Variants in PEBP4 observed in about 807,000 individuals in gnomAD.
PEBP4 encodes phosphatidylethanolamine binding protein 4, also known as phosphatidylethanolamine-binding protein 4.
Under a neutral mutation model 23.9 loss-of-function variants are expected in PEBP4, and 22 were observed. The ratio of observed to expected loss-of-function variants is 0.92; its 90% CI spans 0.66 to 1.31. PEBP4 has a LOEUF of 1.31. Ranked by LOEUF, PEBP4 falls within the 40% of genes most tolerant of loss-of-function variation. The pLI, the probability that PEBP4 is intolerant of heterozygous loss-of-function variation, is 0.00. For synonymous variants in PEBP4, 112 were observed against 99.3 expected (o/e 1.13, Z -0.76); for missense variants, 324 against 281.7 (o/e 1.15, Z -1.07).
chr8:22,922,283 G>A (rs1340653851), intron 2 of PEBP4, among the ~76,000 whole-genome samples: 1 of 152,066 alleles, frequency 6.6e-6, no homozygotes, highest in Non-Finnish European at 1.5e-5. Context: ...TCTTGGAGAA[G>A]GACACGGAGA....
chr8:22,715,676 T>C (rs1804401725), intron 6 of PEBP4, among the ~76,000 whole-genome samples: 1 of 152,160 alleles, frequency 6.6e-6, no homozygotes, highest in Non-Finnish European at 1.5e-5. Flanking sequence ...CGTGGTTCCT[T>C]TCCAGTCCCA....
At position 22,769,756 on chromosome 8, in the gene PEBP4, AT is replaced by A. The variant is rs1805681990; in HGVS notation, c.358-42537del. ...ATATGTCCCTTCTTTTTTTAAAAAA[AT>A]AAATTCCATTGTTTTTCTTCGTATG... On this transcript the variant is annotated intron_variant, in intron 4 of 6. Coordinates refer to ENST00000256404, the MANE Select transcript of PEBP4 (RefSeq NM_144962.3). 1.3e-5 allele frequency among the ~76,000 whole-genome samples: 2 copies of A among 152,246 alleles called. 1 individual carries two copies. Among genetic ancestry groups the A allele is most frequent in the South Asian group, 4.1e-4 (2 of 4,836 alleles).
intron 4 of PEBP4, among the ~76,000 whole-genome samples, chr8:22,732,765 C>G (rs1245385573): frequency 6.6e-6 from 1 of 151,998 alleles, no homozygotes; most frequent in Non-Finnish European, 1.5e-5. Context: ...GCAAATTATT[C>G]TAATTGCAGA....
At chr8:22,904,957 T>C (rs961195493) in intron 3 of PEBP4, among the ~76,000 whole-genome samples, 1 of 152,202 alleles carries the variant, frequency 6.6e-6, no homozygotes, top group Non-Finnish European at 1.5e-5. Context: ...ACATAAATTT[T>C]TATGTGTTTC....
At chr8:22,771,651 G>C (rs1373209252) in intron 4 of PEBP4, among the ~76,000 whole-genome samples, 1 of 152,226 alleles carries the variant, frequency 6.6e-6, no homozygotes, top group African/African-American at 2.4e-5. Context: ...GCAGGGCGCA[G>C]ACACTGGACC....
At chr8:22,780,439 C>T (rs1805891414) in intron 4 of PEBP4, among the ~76,000 whole-genome samples, 7 of 152,142 alleles carry the variant, frequency 4.6e-5, no homozygotes, top group Admixed American at 4.6e-4. Flanking sequence ...TAGGTCCTCT[C>T]CCCTCCCTAA....
At chr8:22,933,884 G>A (rs1230565358) in intron 1 of PEBP4, among the ~76,000 whole-genome samples, 2 of 152,172 alleles carry the variant, frequency 1.3e-5, no homozygotes, top group South Asian at 2.1e-4. Flanking sequence ...TGATAAAGAG[G>A]TTTATTTGGC....
At chr8:22,925,009 G>C in intron 2 of PEBP4, 1 of 985,378 alleles carries the variant, frequency 1.0e-6, no homozygotes, top group South Asian at 4.7e-5. Flanking sequence ...CTTCTCTGGG[G>C]GATCTCTTGC....
At chr8:22,886,008 G>A (rs776808445) in intron 3 of PEBP4, 2 of 152,334 alleles carry the variant, frequency 1.3e-5, no homozygotes, top group East Asian at 1.9e-4. Context: ...ACGGGTTAAG[G>A]AGGGAAGTTG....
chr8:22,742,760 C>T (rs1038470300), intron 4 of PEBP4, among the ~76,000 whole-genome samples: 6 of 152,264 alleles, frequency 3.9e-5, no homozygotes, highest in Non-Finnish European at 5.9e-5. Context: ...GTTGAGGCTA[C>T]GAGAGAGTCC....
upstream of PEBP4, among the ~76,000 whole-genome samples, chr8:22,928,369 G>A (rs1271421016): frequency 6.6e-6 from 1 of 151,986 alleles, no homozygotes; most frequent in Non-Finnish European, 1.5e-5. Flanking sequence ...CAGCTCCGAA[G>A]GGCCAGCTGA....
chr8:22,826,879 A>G (rs1806980901), intron 3 of PEBP4, among the ~76,000 whole-genome samples: 1 of 152,228 alleles, frequency 6.6e-6, no homozygotes, highest in Non-Finnish European at 1.5e-5. Context: ...CTAAAAATAA[A>G]CCAAACTTAT....
At chr8:22,925,460 T>C (rs1421051056) in intron 2 of PEBP4, 2 of 446,394 alleles carry the variant, frequency 4.5e-6, no homozygotes, top group Non-Finnish European at 5.9e-6. Context: ...TCTTAATCTC[T>C]GGGGATTCTT....
intron 1 of PEBP4, among the ~76,000 whole-genome samples, chr8:22,936,411 G>A (rs2128783403): frequency 6.6e-6 from 1 of 152,240 alleles, no homozygotes; most frequent in Middle Eastern, 3.4e-3. Context: ...ATCATAAAGA[G>A]ATGGAAAGCC....
At chr8:22,790,088 C>G (rs1159183518) in intron 4 of PEBP4, among the ~76,000 whole-genome samples, 1 of 152,232 alleles carries the variant, frequency 6.6e-6, no homozygotes, top group Non-Finnish European at 1.5e-5. Context: ...CCTGCTCCTC[C>G]CCATCAACCC....
chr8:22,765,831 T>C (rs1227825804), intron 4 of PEBP4, among the ~76,000 whole-genome samples: 2 of 144,380 alleles, frequency 1.4e-5, no homozygotes, highest in African/African-American at 5.2e-5. Context: ...CACCTGTGGA[T>C]CACCACCATT....
At chr8:22,811,221 C>A (rs1442682816) in intron 4 of PEBP4, among the ~76,000 whole-genome samples, 1 of 152,102 alleles carries the variant, frequency 6.6e-6, no homozygotes, top group East Asian at 1.9e-4. Flanking sequence ...AAAGCTATTT[C>A]AAATGAACAA....
chr8:22,920,116 G>A, intron 3 of PEBP4, 68 bp downstream of exon 3: 3 of 1,565,150 alleles, frequency 1.9e-6, no homozygotes, highest in Non-Finnish European at 2.6e-6. Context: ...TCACCCAGAT[G>A]AGCAAGCCTG....
Position 22,862,304 on chromosome 8 carries a change from C to T in PEBP4, c.259-44569G>A, listed in dbSNP as rs147298338. 1.9e-3 allele frequency among the ~76,000 whole-genome samples: 284 copies of T among 152,224 alleles called. 4 individuals carry two copies. In the South Asian group the frequency reaches 0.032, roughly 17 times the overall value. On this transcript the variant is annotated intron_variant, in intron 3 of 6. Transcript: ENST00000256404. ...CTTCCAGCTATAACATTCTATGATT[C>T]CATAGCCTAGCCAATTACCTACAGG...
Sources: allele counts gnomAD v4.1 joint callset (sites outside exome capture counted in the v4.1 genomes callset), GRCh38; gene constraint gnomAD v4.1.1; transcripts MANE v1.5; gene names NCBI Gene and HGNC (gene_info 2026-07-23, HGNC 2026-07-21).